Variants in SLC24A2 observed in about 807,000 individuals in gnomAD.
SLC24A2 encodes the protein solute carrier family 24 member 2, also known as sodium/potassium/calcium exchanger 2.
A neutral mutation model predicts 62.0 loss-of-function variants in SLC24A2; 36 were observed. That is an observed-to-expected ratio of 0.58 (90% confidence interval 0.44 to 0.77). SLC24A2 has a LOEUF of 0.77. SLC24A2 is among the 30% of genes least tolerant of loss of function. The pLI, the probability that SLC24A2 is intolerant of heterozygous loss-of-function variation, is 0.00. For synonymous variants in SLC24A2, 358 were observed against 294.0 expected, an observed-to-expected ratio of 1.22 and a Z score of -2.23; for missense variants, 846 against 817.9, an observed-to-expected ratio of 1.03 and a Z score of -0.42.
the SLC24A2 span, among the ~76,000 whole-genome samples, chr9:20,165,366 G>C: frequency 6.6e-6 from 1 of 151,772 alleles, no homozygotes; most frequent in East Asian, 1.9e-4. Flanking sequence ...TAACTGAAAA[G>C]GAAGAGATAT....
At chr9:20,219,769 C>G in the SLC24A2 span, among the ~76,000 whole-genome samples, 5 of 152,274 alleles carry the variant, frequency 3.3e-5, no homozygotes, top group Non-Finnish European at 5.9e-5. Flanking sequence ...TGAAAATTTA[C>G]TAGACTTGCT....
At chr9:20,041,520 G>A in the SLC24A2 span, among the ~76,000 whole-genome samples, 2 of 152,212 alleles carry the variant, frequency 1.3e-5, no homozygotes, top group South Asian at 4.1e-4. Context: ...ATCCACCCAG[G>A]ACAGGGGTTT....
chr9:19,733,655 A>G (rs957047163), intron 2 of SLC24A2, among the ~76,000 whole-genome samples: 3 of 152,190 alleles, frequency 2.0e-5, no homozygotes, highest in Non-Finnish European at 2.9e-5. Context: ...TATCTCTTCC[A>G]AGTTTTCTTG....
the SLC24A2 span, among the ~76,000 whole-genome samples, chr9:20,035,128 G>A: frequency 1.3e-5 from 2 of 152,140 alleles, no homozygotes; most frequent in Admixed American, 1.3e-4. Flanking sequence ...GACTAGGGCT[G>A]AGTCCTAGTT....
At chr9:19,561,436 C>CT (rs10641024) in intron 7 of SLC24A2, among the ~76,000 whole-genome samples, 98,512 of 138,010 alleles carry the variant, frequency 0.71, 36,304 homozygotes, top group East Asian at 0.97. Context: ...GGAAAACAGA[C>CT]TTTTTTTTTT....
At chr9:19,809,971 G>A in the SLC24A2 span, among the ~76,000 whole-genome samples, 1 of 151,918 alleles carries the variant, frequency 6.6e-6, no homozygotes, top group Non-Finnish European at 1.5e-5. Context: ...ACAAACCCCG[G>A]GTATATACCC....
At chr9:20,205,994 C>T in the SLC24A2 span, among the ~76,000 whole-genome samples, 1 of 152,130 alleles carries the variant, frequency 6.6e-6, no homozygotes, top group African/African-American at 2.4e-5. Context: ...ATCTGTGGTT[C>T]ACTCGGTGAA....
chr9:19,940,940 A>G, the SLC24A2 span, among the ~76,000 whole-genome samples: 1 of 152,204 alleles, frequency 6.6e-6, no homozygotes, highest in African/African-American at 2.4e-5. Flanking sequence ...CCTTTCAGGG[A>G]GATAAAGAGA....
the SLC24A2 span, among the ~76,000 whole-genome samples, chr9:20,075,488 A>G: frequency 6.6e-6 from 1 of 152,200 alleles, no homozygotes; most frequent in Non-Finnish European, 1.5e-5. Context: ...ATGGCCAATC[A>G]AGCCCAACAT....
chr9:19,802,896 G>A, the SLC24A2 span, among the ~76,000 whole-genome samples: 1 of 152,128 alleles, frequency 6.6e-6, no homozygotes, highest in African/African-American at 2.4e-5. Flanking sequence ...GGGTGATCAG[G>A]TCATGAGGAT....
chr9:19,578,729 G>A (rs754953195), intron 5 of SLC24A2, among the ~76,000 whole-genome samples: 1 of 152,156 alleles, frequency 6.6e-6, no homozygotes, highest in South Asian at 2.1e-4. Context: ...GAATCATGGC[G>A]TGTGGTCATG....
chr9:19,694,459 T>C (rs920648086), intron 2 of SLC24A2, among the ~76,000 whole-genome samples: 2 of 152,162 alleles, frequency 1.3e-5, no homozygotes, highest in Non-Finnish European at 2.9e-5. Flanking sequence ...CGAGGACTTA[T>C]AATTTATTTT....
the SLC24A2 span, among the ~76,000 whole-genome samples, chr9:20,246,138 G>C: frequency 6.7e-6 from 1 of 150,184 alleles, no homozygotes; most frequent in South Asian, 2.1e-4. Context: ...AAATAGCTAA[G>C]AATATAGGTC....
intron 2 of SLC24A2, among the ~76,000 whole-genome samples, chr9:19,768,681 TC>T (rs1238874799): frequency 1.4e-4 from 21 of 152,354 alleles, no homozygotes; most frequent in African/African-American, 5.0e-4. Context: ...ATGGCAGCAC[TC>T]AACTTAAACT....
chr9:19,597,492 A>G (rs1165238864), intron 4 of SLC24A2, among the ~76,000 whole-genome samples: 2 of 152,252 alleles, frequency 1.3e-5, no homozygotes, highest in African/African-American at 4.8e-5. Context: ...TACCGGGGGT[A>G]GAGTGTGCCC....
chr9:19,635,952 T>C (rs530144404), intron 2 of SLC24A2, among the ~76,000 whole-genome samples: 2 of 152,356 alleles, frequency 1.3e-5, no homozygotes, highest in South Asian at 4.1e-4. Flanking sequence ...GGTTAACGTC[T>C]GCTACTGGTG....
At chr9:19,568,848 C>T (rs1044025003) in intron 7 of SLC24A2, among the ~76,000 whole-genome samples, 15 of 152,144 alleles carry the variant, frequency 9.9e-5, no homozygotes, top group African/African-American at 2.4e-5. Context: ...CCTTTCCATC[C>T]CAGTTTCCTA....
intron 2 of SLC24A2, among the ~76,000 whole-genome samples, chr9:19,757,186 T>C (rs969602673): frequency 2.0e-5 from 3 of 152,098 alleles, no homozygotes; most frequent in Non-Finnish European, 1.5e-5. Context: ...AGGTTGTAAA[T>C]TCCTTGAAGG....
chr9:20,160,937 T>C, the SLC24A2 span, among the ~76,000 whole-genome samples: 1 of 150,760 alleles, frequency 6.6e-6, no homozygotes, highest in Non-Finnish European at 1.5e-5. Flanking sequence ...ATTAAGTTAA[T>C]ATATCAAAAC....
Sources: gnomAD v4.1 joint callset for allele counts (sites outside exome capture counted in the v4.1 genomes callset) on GRCh38, gnomAD v4.1.1 for gene constraint, MANE v1.5 for transcripts, NCBI Gene and HGNC (gene_info 2026-07-23, HGNC 2026-07-21) for gene names.